DCAF4: variants seen among roughly 807,000 people sequenced by gnomAD.
The protein encoded by DCAF4 is DDB1 and CUL4 associated factor 4, also known as DDB1- and CUL4-associated factor 4.
Under a neutral mutation model 60.9 loss-of-function variants are expected in DCAF4, and 37 were observed. The ratio of observed to expected loss-of-function variants is 0.61; its 90% CI spans 0.47 to 0.80. The LOEUF (loss-of-function observed/expected upper bound fraction) is 0.80, where lower values mean the gene tolerates loss of function less well. Among genes scored for constraint, DCAF4 ranks in the 30% least tolerant of loss-of-function variants. The pLI, the probability that DCAF4 is intolerant of heterozygous loss-of-function variation, is 0.00. For missense variants in DCAF4, 577 were observed against 650.0 expected, an observed-to-expected ratio of 0.89 and a Z score of 1.22; for synonymous variants, 243 against 254.8, an observed-to-expected ratio of 0.95 and a Z score of 0.44.
At chr14:72,955,794 C>T in intron 12 of DCAF4, 98 bp downstream of exon 12, 1 of 1,189,622 alleles carries the variant, frequency 8.4e-7, no homozygotes, top group South Asian at 1.5e-5. Context: ...ACCAAGACCC[C>T]AGGCAGGGGA....
chr14:72,936,002 G>A (rs1244982879), intron 1 of DCAF4, among the ~76,000 whole-genome samples: 1 of 151,978 alleles, frequency 6.6e-6, no homozygotes, highest in Non-Finnish European at 1.5e-5. Flanking sequence ...TGCCCAGGCT[G>A]GTCTCAAACT....
At chr14:72,941,940 G>A in intron 5 of DCAF4, 116 bp downstream of exon 5, 3 of 1,070,204 alleles carry the variant, frequency 2.8e-6, no homozygotes, top group South Asian at 1.5e-5. Flanking sequence ...TGAAGCACCT[G>A]CACAGTTGAG....
chr14:72,956,444 A>AT lies in DCAF4; in HGVS notation c.1239dup (p.Glu414Ter), dbSNP rs1185796463. The AT allele has an allele frequency of 1.2e-6, 2 of 1,613,722 alleles. No homozygotes were observed. The highest frequency in any genetic ancestry group is 1.7e-6 in the Non-Finnish European group (2 of 1,179,826). On this transcript the variant is annotated frameshift_variant, in exon 13 of 14. Coordinates refer to ENST00000358377, the MANE Select transcript of DCAF4 (RefSeq NM_015604.4). LOFTEE classifies it high-confidence loss of function. ...GTAAGGCAGTACGAAGGCCACGTGA[A>AT]TGAGTACGCCTACCTGCCCCTGCAT...
At chr14:72,946,136 C>G in intron 7 of DCAF4, 109 bp downstream of exon 7, 2 of 1,354,236 alleles carry the variant, frequency 1.5e-6, no homozygotes, top group Non-Finnish European at 2.0e-6. Flanking sequence ...ATACTTACCT[C>G]ATTTTTCCAT....
At chr14:72,953,221 A>C (rs1891673378) in intron 9 of DCAF4, among the ~76,000 whole-genome samples, 1 of 150,072 alleles carries the variant, frequency 6.7e-6, no homozygotes. Flanking sequence ...GCTGGTCTCG[A>C]ACTCCCGACC....
intron 5 of DCAF4, 33 bp from the exon 6 acceptor site, chr14:72,942,961 C>CA (rs771103731): frequency 6.2e-7 from 1 of 1,600,492 alleles, no homozygotes; most frequent in East Asian, 2.2e-5. Flanking sequence ...ATGTCAGCTT[C>CA]AGCATCCATG....
intron 6 of DCAF4, among the ~76,000 whole-genome samples, chr14:72,945,426 CTT>C (rs1336239881): frequency 6.7e-6 from 1 of 149,946 alleles, no homozygotes; most frequent in Admixed American, 6.7e-5. Flanking sequence ...TGAATGCAGT[CTT>C]TTTCTATTGC....
intron 12 of DCAF4, among the ~76,000 whole-genome samples, chr14:72,955,914 CTTTTTTTTTTTTT>C (rs71109770): frequency 1.8e-5 from 1 of 54,726 alleles, no homozygotes; most frequent in Non-Finnish European, 3.2e-5. Context: ...TGGTTATGTC[CTTTTTTTTTTTTT>C]TTTTTTTTTT....
At chr14:72,950,740 G>A (rs920752989) in intron 8 of DCAF4, among the ~76,000 whole-genome samples, 2 of 152,096 alleles carry the variant, frequency 1.3e-5, no homozygotes, top group African/African-American at 4.8e-5. Flanking sequence ...GTATCACCTG[G>A]TACCCATTCA....
chr14:72,949,378 C>T (rs1216343316), intron 8 of DCAF4, among the ~76,000 whole-genome samples: 2 of 152,262 alleles, frequency 1.3e-5, no homozygotes, highest in East Asian at 3.9e-4. Flanking sequence ...ATCATTTGAG[C>T]CCCAGAGTTC....
Position 72,937,957 on chromosome 14 carries a change from T to C in DCAF4, c.-8-14T>C. On this transcript the variant is annotated splice_polypyrimidine_tract_variant and intron_variant, in intron 1 of 13. Coordinates refer to ENST00000358377, the MANE Select transcript of DCAF4 (RefSeq NM_015604.4). ...ACACAGAGATGTATGGATTTTTTTGTTTTTCTCTTTTAGGAACAGAAATGA... is the reference window on the plus strand; with the variant it reads ...ACACAGAGATGTATGGATTTTTTTGCTTTTCTCTTTTAGGAACAGAAATGA... 6.3e-7 allele frequency: 1 copy of C among 1,577,154 alleles called. No individual in the cohort carries two copies. Among genetic ancestry groups the C allele is most frequent in the Non-Finnish European group, 8.6e-7 (1 of 1,168,378 alleles).
intron 6 of DCAF4, among the ~76,000 whole-genome samples, chr14:72,944,688 A>G (rs1477289980): frequency 6.6e-6 from 1 of 152,112 alleles, no homozygotes; most frequent in African/African-American, 2.4e-5. Flanking sequence ...GCTACTCGGG[A>G]GGCTATGGTG....
intron 4 of DCAF4, among the ~76,000 whole-genome samples, chr14:72,941,506 T>C (rs968110637): frequency 1.3e-5 from 2 of 152,134 alleles, no homozygotes; most frequent in African/African-American, 4.8e-5. Context: ...TGTATGTGGA[T>C]GGGGAGCGTG....
At chr14:72,955,471 C>T (rs367739807) in intron 11 of DCAF4, 52 bp from the exon 12 acceptor site, 7 of 1,590,102 alleles carry the variant, frequency 4.4e-6, no homozygotes, top group Non-Finnish European at 6.0e-6. Context: ...CCCTGCCCAG[C>T]CTCAGAGGGA....
Position 72,951,909 on chromosome 14 carries a change from T to A in DCAF4, c.808+32T>A, listed in dbSNP as rs1281153335. The stretch of plus-strand genomic sequence containing the variant: ...GGTTCTCCTCCTTTAAAGAAATCTG[T>A]CCTCTGTCTCCCGAGAGCTGTGTGG... On this transcript the variant is annotated intron_variant, in intron 9 of 13. Transcript: ENST00000358377. 4 of 1,611,326 alleles carry A rather than the reference T, an allele frequency of 2.5e-6. No homozygotes were observed. In the African/African-American group the frequency reaches 5.3e-5, roughly 22 times the overall value.
Position 72,958,732 on chromosome 14 carries a change from TG to T in DCAF4, c.1421del (p.Gly474AlafsTer39). ...DIPSVAFSSR[L>X]GGSRGAPGLL... Reference sequence around the variant, plus strand: ...CCCAGTGTGGCCTTCTCGTCGCGGCTGGGGGGCTCCCGGGGCGCGCCGGGGC... The same window carrying T: ...CCCAGTGTGGCCTTCTCGTCGCGGCTGGGGGCTCCCGGGGCGCGCCGGGGC... On this transcript the variant is annotated frameshift_variant, in exon 14 of 14. Transcript: ENST00000358377. LOFTEE classifies it high-confidence loss of function. 1.9e-6 allele frequency: 3 copies of T among 1,613,216 alleles called. No homozygotes were observed. Among genetic ancestry groups the T allele is most frequent in the Non-Finnish European group, 2.5e-6 (3 of 1,179,590 alleles).
intron 9 of DCAF4, among the ~76,000 whole-genome samples, chr14:72,952,989 G>A (rs1260635580): frequency 3.5e-5 from 4 of 115,156 alleles, no homozygotes; most frequent in Non-Finnish European, 7.3e-5. Flanking sequence ...CACAATGCCC[G>A]GCCTTTTTTT....
intron 8 of DCAF4, among the ~76,000 whole-genome samples, chr14:72,951,461 ATT>A (rs1290203149): frequency 6.6e-6 from 1 of 152,074 alleles, no homozygotes; most frequent in East Asian, 1.9e-4. Context: ...AAAATACAAA[ATT>A]ACCCGGGCGT....
intron 9 of DCAF4, among the ~76,000 whole-genome samples, chr14:72,953,515 G>A (rs1891716161): frequency 6.6e-6 from 1 of 151,156 alleles, no homozygotes; most frequent in African/African-American, 2.4e-5. Context: ...TTCAAGACCA[G>A]CCTGAGCAAC....
Sources: gnomAD v4.1 joint callset for allele counts (sites outside exome capture counted in the v4.1 genomes callset) on GRCh38, gnomAD v4.1.1 for gene constraint, MANE v1.5 for transcripts, NCBI Gene and HGNC (gene_info 2026-07-23, HGNC 2026-07-21) for gene names.